Variants in ARAP2 observed in about 807,000 individuals in gnomAD.
ARAP2 encodes the protein ArfGAP with RhoGAP domain, ankyrin repeat and PH domain 2.
ARAP2 carries 148 observed loss-of-function variants against 194.5 expected under a neutral mutation model. The observed-to-expected ratio is 0.76, with a 90% CI of 0.67 to 0.87. ARAP2 has a LOEUF of 0.87. ARAP2 is among the 40% of genes least tolerant of loss of function. The probability of loss-of-function intolerance (pLI) is 0.00; values close to 1 mark genes in which losing one functional copy is unlikely to be tolerated. For synonymous variants in ARAP2, 695 were observed against 683.5 expected (o/e 1.02, Z -0.26); for missense variants, 2,128 against 1,989.7 (o/e 1.07, Z -1.32).
chr4:36,014,303 AAGGAAGG>A (rs1560264689), intron 8 of ARAP2, among the ~76,000 whole-genome samples: 5 of 122,694 alleles, frequency 4.1e-5, no homozygotes, highest in African/African-American at 1.6e-4. Flanking sequence ...GAAAGAAGAG[AAGGAAGG>A]AAAGAAAGAA....
Position 36,107,593 on chromosome 4 carries a change from T to TAAAAAAAAAAA in ARAP2, c.4256_4257insTTTTTTTTTTT (p.Leu1419PhefsTer5), listed in dbSNP as rs777052908. The TAAAAAAAAAAA allele has an allele frequency of 6.2e-7, 1 of 1,610,716 alleles. No homozygotes were observed. On this transcript the variant is annotated frameshift_variant, in exon 27 of 33. Transcript: ENST00000303965. LOFTEE classifies it high-confidence loss of function. ...TGCAGTGTTTAATTGTGTCAGCGGT[T>TAAAAAAAAAAA]AAGAATCTCTTCACCACCAGGTAAG... is the stretch of plus-strand genomic sequence containing the variant.
intron 31 of ARAP2, 32 bp from the exon 32 acceptor site, chr4:36,073,855 G>T: frequency 6.2e-7 from 1 of 1,610,902 alleles, no homozygotes; most frequent in Non-Finnish European, 8.5e-7. Flanking sequence ...CTGTTGGTGT[G>T]TGATTTTATT....
chr4:36,073,790 C>T lies in ARAP2; in HGVS notation c.4642G>A (p.Glu1548Lys), dbSNP rs1727600615. Residue 1548 changes from glutamate to lysine, a missense_variant, in exon 32 of 33, where the codon GAA becomes AAA. Glu to Lys is a moderately conservative substitution (Grantham distance 56). Coordinates refer to ENST00000303965, the MANE Select transcript of ARAP2 (RefSeq NM_015230.4). The stretch of plus-strand genomic sequence containing the variant: ...TTTTTGGTTATTGAACGTTTTCGTT[C>T]CTTTCCAGCTGGTGGCCATATATCA... ...EYDIWPPAGK[E>K]RKRSITKNPK... The T allele has an allele frequency of 3.1e-6, 5 of 1,613,150 alleles. No homozygotes were observed. The highest frequency in any genetic ancestry group is 4.2e-6 in the Non-Finnish European group (5 of 1,179,322).
intron 24 of ARAP2, among the ~76,000 whole-genome samples, chr4:36,119,286 A>G (rs562621049): frequency 6.6e-6 from 1 of 151,632 alleles, no homozygotes; most frequent in South Asian, 2.1e-4. Context: ...TCAAAATAAC[A>G]ATAGAAAGAA....
At chr4:36,052,094 T>G (rs1422626613) in intron 2 of ARAP2, 2 of 152,182 alleles carry the variant, frequency 1.3e-5, no homozygotes, top group Non-Finnish European at 2.9e-5. Flanking sequence ...CTATGAAAAT[T>G]TTCTGAAAGT....
chr4:36,124,973 G>A lies in ARAP2; in HGVS notation c.3641-6C>T. ...TTCCTTGTCATCTTGCGTATCTGAA[G>A]GGGAAAAAAAAACAATCTTGAGATC... On this transcript the variant is annotated splice_region_variant and splice_polypyrimidine_tract_variant and intron_variant, in intron 21 of 32. Transcript: ENST00000303965. 1 of 1,565,692 alleles carries A rather than the reference G, an allele frequency of 6.4e-7. No individual in the cohort carries two copies. The highest frequency in any genetic ancestry group is 1.4e-5 in the African/African-American group (1 of 72,946).
At chr4:36,049,286 T>C (rs1343042483) in intron 3 of ARAP2, among the ~76,000 whole-genome samples, 1 of 152,174 alleles carries the variant, frequency 6.6e-6, no homozygotes, top group Non-Finnish European at 1.5e-5. Context: ...TAATTAAATG[T>C]TTGCTTTTCC....
chr4:36,193,363 T>C (rs1255343231), intron 7 of ARAP2, among the ~76,000 whole-genome samples: 2 of 152,246 alleles, frequency 1.3e-5, no homozygotes, highest in African/African-American at 2.4e-5. Flanking sequence ...TGTGGTTAAA[T>C]CTTAAAATTA....
intron 6 of ARAP2, among the ~76,000 whole-genome samples, chr4:36,197,172 T>G (rs1039750483): frequency 5.3e-5 from 8 of 152,076 alleles, no homozygotes; most frequent in African/African-American, 1.9e-4. Context: ...AAATGTGATA[T>G]TTTGATATAC....
intron 19 of ARAP2, among the ~76,000 whole-genome samples, chr4:36,143,130 C>T (rs988560334): frequency 6.6e-6 from 1 of 151,590 alleles, no homozygotes; most frequent in Non-Finnish European, 1.5e-5. Flanking sequence ...GGGTGCTGTG[C>T]CTGTCACGTA....
chr4:36,068,415 T>C, intron 32 of ARAP2, 137 bp from the exon 33 acceptor site: 1 of 912,146 alleles, frequency 1.1e-6, no homozygotes, highest in South Asian at 2.5e-5. Context: ...TTTACTTCGA[T>C]ACAAGTGGCA....
intron 26 of ARAP2, among the ~76,000 whole-genome samples, chr4:36,108,697 G>A (rs1719069790): frequency 6.6e-6 from 1 of 151,888 alleles, no homozygotes; most frequent in Admixed American, 6.6e-5. Context: ...ACAAGTTTTA[G>A]AATTACAATC....
chr4:36,022,130 G>A (rs999588920), intron 5 of ARAP2, among the ~76,000 whole-genome samples: 1 of 152,172 alleles, frequency 6.6e-6, no homozygotes, highest in Non-Finnish European at 1.5e-5. Context: ...GACCATCGTA[G>A]TATATGCAGT....
chr4:36,239,105 G>A (rs935824568), intron 1 of ARAP2, among the ~76,000 whole-genome samples: 13 of 151,878 alleles, frequency 8.6e-5, no homozygotes, highest in African/African-American at 2.7e-4. Context: ...GTGAAATCCC[G>A]TCTCTACTAA....
chr4:36,065,149 T>C (rs1043571199), downstream of ARAP2: 2 of 302,962 alleles, frequency 6.6e-6, no homozygotes, highest in Middle Eastern at 4.4e-4. Flanking sequence ...TCTTCTTCAG[T>C]TCCAGTGGGA....
intron 1 of ARAP2, among the ~76,000 whole-genome samples, chr4:36,231,179 T>G (rs1385953600): frequency 1.3e-5 from 2 of 151,694 alleles, no homozygotes; most frequent in African/African-American, 4.8e-5. Context: ...TCTATTAAAA[T>G]ACAAAAATTA....
chr4:36,235,968 C>T (rs1279749083), intron 1 of ARAP2, among the ~76,000 whole-genome samples: 1 of 151,996 alleles, frequency 6.6e-6, no homozygotes, highest in Non-Finnish European at 1.5e-5. Context: ...CTTGAGCCCA[C>T]AATTTCCAGA....
chr4:36,170,602 A>G (rs61796564), intron 9 of ARAP2, among the ~76,000 whole-genome samples: 16,465 of 152,306 alleles, frequency 0.11, 1,056 homozygotes, highest in African/African-American at 0.17. Flanking sequence ...CAACTCCTGC[A>G]TTAACGTCCA....
At chr4:36,103,457 A>ATAT (rs1489747406) in intron 27 of ARAP2, among the ~76,000 whole-genome samples, 1 of 151,318 alleles carries the variant, frequency 6.6e-6, no homozygotes, top group African/African-American at 2.4e-5. Flanking sequence ...TCAGTATAAT[A>ATAT]TATAATAATA....
Sources: allele counts gnomAD v4.1 joint callset (sites outside exome capture counted in the v4.1 genomes callset), GRCh38; gene constraint gnomAD v4.1.1; transcripts MANE v1.5; gene names NCBI Gene and HGNC (gene_info 2026-07-23, HGNC 2026-07-21).